COG5: variants seen among roughly 807,000 people sequenced by gnomAD.
The protein encoded by COG5 is conserved oligomeric Golgi complex subunit 5.
COG5 carries 86 observed loss-of-function variants against 110.4 expected under a neutral mutation model. The observed-to-expected ratio is 0.78, with a 90% CI of 0.65 to 0.93. COG5 has a LOEUF of 0.93. Among genes scored for constraint, COG5 ranks in the 40% least tolerant of loss-of-function variants. The probability of loss-of-function intolerance (pLI) is 0.00; values close to 1 mark genes in which losing one functional copy is unlikely to be tolerated. For missense variants in COG5, 1,077 were observed against 987.0 expected, an observed-to-expected ratio of 1.09 and a Z score of -1.22; for synonymous variants, 360 against 334.6, an observed-to-expected ratio of 1.08 and a Z score of -0.83.
At chr7:107,489,616 T>C (rs1797864536) in intron 6 of COG5, among the ~76,000 whole-genome samples, 1 of 152,180 alleles carries the variant, frequency 6.6e-6, no homozygotes, top group Non-Finnish European at 1.5e-5. Context: ...CTATGTTTAG[T>C]GAGGAAGAAA....
intron 19 of COG5, among the ~76,000 whole-genome samples, chr7:107,211,718 C>T (rs999507973): frequency 6.6e-6 from 1 of 152,214 alleles, no homozygotes; most frequent in East Asian, 1.9e-4. Context: ...AAAGTTATTA[C>T]TTTGCTGAAC....
intron 6 of COG5, among the ~76,000 whole-genome samples, chr7:107,463,743 T>C (rs530863397): frequency 2.6e-5 from 4 of 152,232 alleles, no homozygotes; most frequent in East Asian, 1.9e-4. Context: ...ACCAGGAGCA[T>C]GGGGAAGACA....
At chr7:107,332,266 G>A (rs1810319893) in intron 10 of COG5, among the ~76,000 whole-genome samples, 1 of 152,138 alleles carries the variant, frequency 6.6e-6, no homozygotes, top group African/African-American at 2.4e-5. Flanking sequence ...TGTGGCATGG[G>A]AAGAAAACAA....
intron 8 of COG5, among the ~76,000 whole-genome samples, chr7:107,371,957 C>T (rs1814208575): frequency 1.3e-5 from 2 of 152,162 alleles, no homozygotes; most frequent in South Asian, 4.1e-4. Context: ...TAAGGATGGA[C>T]ATAATCTGTG....
At chr7:107,351,290 C>T (rs1429589495) in intron 10 of COG5, among the ~76,000 whole-genome samples, 1 of 152,128 alleles carries the variant, frequency 6.6e-6, no homozygotes, top group African/African-American at 2.4e-5. Flanking sequence ...CTTCCTTACA[C>T]CTTATACAAA....
chr7:107,204,618 G>C (rs1304831579), intron 21 of COG5, among the ~76,000 whole-genome samples: 1 of 152,112 alleles, frequency 6.6e-6, no homozygotes, highest in Non-Finnish European at 1.5e-5. Context: ...GTTTTCTTTT[G>C]CTCTCAAATA....
At chr7:107,552,101 A>C (rs1367283526) in intron 3 of COG5, among the ~76,000 whole-genome samples, 1 of 152,208 alleles carries the variant, frequency 6.6e-6, no homozygotes, top group Non-Finnish European at 1.5e-5. Flanking sequence ...CACATTATAA[A>C]CTAAAACACA....
chr7:107,363,631 C>T (rs115324597), intron 8 of COG5, among the ~76,000 whole-genome samples: 2 of 151,968 alleles, frequency 1.3e-5, no homozygotes, highest in Non-Finnish European at 2.9e-5. Flanking sequence ...TTAATTAAGA[C>T]AAAGAGTATC....
At chr7:107,430,729 T>C (rs1024385685) in intron 6 of COG5, among the ~76,000 whole-genome samples, 1 of 152,226 alleles carries the variant, frequency 6.6e-6, no homozygotes, top group African/African-American at 2.4e-5. Context: ...GGCATATTAA[T>C]GTACTCTAAG....
At chr7:107,252,461 A>T (rs1042083052) in intron 16 of COG5, among the ~76,000 whole-genome samples, 2 of 152,148 alleles carry the variant, frequency 1.3e-5, no homozygotes, top group Non-Finnish European at 2.9e-5. Context: ...GAATTCTACT[A>T]AACACTTGAG....
At chr7:107,552,923 CA>C in intron 3 of COG5, among the ~76,000 whole-genome samples, 1 of 152,160 alleles carries the variant, frequency 6.6e-6, no homozygotes, top group Middle Eastern at 3.4e-3. Flanking sequence ...GGATACTACA[CA>C]GCCATAAAAA....
At position 107,555,316 on chromosome 7, in the gene COG5, T is replaced by C. The variant is rs188763002; in HGVS notation, c.235-974A>G. Among the ~76,000 whole-genome samples, 662 of 152,342 alleles carry C rather than the reference T, an allele frequency of 4.3e-3. 4 individuals are homozygous for C. The highest frequency in any genetic ancestry group is 0.024 in the Middle Eastern group (7 of 294). On this transcript the variant is annotated intron_variant, in intron 2 of 21. Transcript: ENST00000297135. Reference sequence around the variant, plus strand: ...TTTAGAATAATGCAGGAATCCTTATTATTGTGTGCCTTTTATTCCAATGAA... The same window carrying C: ...TTTAGAATAATGCAGGAATCCTTATCATTGTGTGCCTTTTATTCCAATGAA...
At chr7:107,344,692 T>A (rs1295519823) in intron 10 of COG5, among the ~76,000 whole-genome samples, 3 of 152,032 alleles carry the variant, frequency 2.0e-5, no homozygotes, top group East Asian at 3.9e-4. Flanking sequence ...ACCTGGTTAA[T>A]TTTGTATTTT....
chr7:107,525,691 T>A (rs771045497), intron 6 of COG5, among the ~76,000 whole-genome samples: 2 of 152,316 alleles, frequency 1.3e-5, no homozygotes, highest in Middle Eastern at 3.4e-3. Flanking sequence ...TAGTTGAGAC[T>A]GCAGGCACAT....
chr7:107,285,590 G>A (rs1805564257), intron 12 of COG5, among the ~76,000 whole-genome samples: 1 of 152,146 alleles, frequency 6.6e-6, no homozygotes, highest in Non-Finnish European at 1.5e-5. Flanking sequence ...AAAGGAAACT[G>A]TCTACATGCC....
chr7:107,465,667 T>C (rs1203216403), intron 6 of COG5, among the ~76,000 whole-genome samples: 3 of 152,162 alleles, frequency 2.0e-5, no homozygotes, highest in East Asian at 1.9e-4. Context: ...ACACCAGTGA[T>C]TACAGTCTTT....
intron 6 of COG5, chr7:107,475,380 A>G (rs1344552328): frequency 4.4e-6 from 5 of 1,129,340 alleles, no homozygotes; most frequent in Non-Finnish European, 6.3e-6. Context: ...TCTCAGTTTC[A>G]CCAAATCCAC....
At chr7:107,305,318 T>C (rs1190366546) in intron 11 of COG5, among the ~76,000 whole-genome samples, 1 of 152,218 alleles carries the variant, frequency 6.6e-6, no homozygotes, top group Admixed American at 6.5e-5. Context: ...AGCAGGCTGC[T>C]ACCCATTTCT....
At chr7:107,386,483 C>G (rs1443002388) in intron 7 of COG5, among the ~76,000 whole-genome samples, 1 of 151,974 alleles carries the variant, frequency 6.6e-6, no homozygotes, top group Non-Finnish European at 1.5e-5. Flanking sequence ...GACGGACCGC[C>G]GAAAAGAAGT....
Sources: gnomAD v4.1 joint callset for allele counts (sites outside exome capture counted in the v4.1 genomes callset) on GRCh38, gnomAD v4.1.1 for gene constraint, MANE v1.5 for transcripts, NCBI Gene and HGNC (gene_info 2026-07-23, HGNC 2026-07-21) for gene names.